DEPDC1: variants seen among roughly 807,000 people sequenced by gnomAD.
DEPDC1 encodes DEP domain-containing protein 1A.
A neutral mutation model predicts 86.8 loss-of-function variants in DEPDC1; 66 were observed. The observed-to-expected ratio is 0.76, with a 90% confidence interval of 0.62 to 0.93. The LOEUF is 0.93. Among genes scored for constraint, DEPDC1 ranks in the 40% least tolerant of loss-of-function variants. DEPDC1 has a pLI of 0.00. For missense variants in DEPDC1, 792 were observed against 935.7 expected, an observed-to-expected ratio of 0.85 and a Z score of 2.00; for synonymous variants, 255 against 314.9, an observed-to-expected ratio of 0.81 and a Z score of 2.02.
At chr1:68,484,937 CATAT>C (rs71581173) in intron 6 of DEPDC1, among the ~76,000 whole-genome samples, 2 of 147,726 alleles carry the variant, frequency 1.4e-5, no homozygotes, top group African/African-American at 2.5e-5. Context: ...CTTCTGGAGG[CATAT>C]ATATATATAT....
intron 2 of DEPDC1, among the ~76,000 whole-genome samples, chr1:68,490,412 G>C (rs925649873): frequency 6.6e-6 from 1 of 151,928 alleles, no homozygotes; most frequent in African/African-American, 2.4e-5. Context: ...CTCCATCTAT[G>C]TTCCTGCAAA....
Position 68,496,952 on chromosome 1 carries a change from C to T in DEPDC1, c.48G>A (p.Leu16=), listed in dbSNP as rs754590065. The T allele has an allele frequency of 6.2e-7, 1 of 1,612,144 alleles. No individual in the cohort carries two copies. Among genetic ancestry groups the T allele is most frequent in the South Asian group, 1.1e-5 (1 of 90,952 alleles). ...VPPGPYRATK[L]WNEVTTSFRA... ...GTCCCGTCTATCCGAGCTGTCTTAC[C>T]AGCTTGGTGGCCCGATAAGGCCCGG... Residue 16 remains leucine (L), a splice_region_variant and synonymous_variant, in exon 1 of 12, where the codon CTG becomes CTA. Transcript: ENST00000456315. The surrounding 1 kb of genome is among the most constrained non-coding windows in gnomAD (Gnocchi z 4.0).
intron 2 of DEPDC1, among the ~76,000 whole-genome samples, chr1:68,491,092 C>T (rs1646226190): frequency 6.6e-6 from 1 of 152,040 alleles, no homozygotes; most frequent in Admixed American, 6.6e-5. Context: ...TGGAAGAAAA[C>T]CTAGGCAATA....
chr1:68,489,170 G>A (rs1479763810), intron 3 of DEPDC1, 136 bp from the exon 4 acceptor site: 126 of 645,534 alleles, frequency 2.0e-4, no homozygotes, highest in Non-Finnish European at 2.9e-5. Flanking sequence ...ATATGGTAAT[G>A]GAGTTTTTAA....
At position 68,482,512 on chromosome 1, in the gene DEPDC1, A is replaced by G; in HGVS notation, c.1296T>C (p.Asn432=). Residue 432 remains asparagine (N), a synonymous_variant, in exon 8 of 12, where the codon AAT becomes AAC. Transcript: ENST00000456315. ...SLEGIVDVPG[N]SSKEASSVFH... The stretch of plus-strand genomic sequence containing the variant: ...AGACACTGGATGCCTCTTTACTTGA[A>G]TTCCCTGGCACATCTACAATTCCTT... 1 of 1,613,150 alleles carries G rather than the reference A, an allele frequency of 6.2e-7. No homozygotes were observed. Among genetic ancestry groups the G allele is most frequent in the South Asian group, 1.1e-5 (1 of 91,072 alleles).
intron 2 of DEPDC1, among the ~76,000 whole-genome samples, chr1:68,491,920 ATT>A (rs1227155636): frequency 5.8e-5 from 8 of 138,902 alleles, no homozygotes; most frequent in Non-Finnish European, 3.1e-5. Flanking sequence ...TGGCTAATTA[ATT>A]TTTTTTTTTT....
At chr1:68,488,528 CT>C (rs769668533) in intron 4 of DEPDC1, 24 bp from the exon 5 acceptor site, 1 of 1,576,320 alleles carries the variant, frequency 6.3e-7, no homozygotes, top group Admixed American at 1.8e-5. Flanking sequence ...AGAATATTAA[CT>C]TTTTTTCTTC....
intron 8 of DEPDC1, 63 bp from the exon 9 acceptor site, chr1:68,481,675 T>G (rs1646156958): frequency 1.6e-6 from 2 of 1,224,306 alleles, no homozygotes; most frequent in Non-Finnish European, 2.2e-6. Flanking sequence ...ATACTACCAG[T>G]ATATACAGCT....
In DEPDC1 at chr1:68,494,640, T is replaced by C; in HGVS notation, c.104A>G (p.Gln35Arg). The C allele has an allele frequency of 1.2e-6, 2 of 1,613,710 alleles. No homozygotes were observed. The highest frequency in any genetic ancestry group is 1.7e-6 in the Non-Finnish European group (2 of 1,179,698). ...RAGMPLRKHR[Q>R]HFKKYGNCFT... The stretch of plus-strand genomic sequence containing the variant: ...ACAATTGCCATATTTTTTAAAGTGT[T>C]GTCTGTGTTTTCTTAGAGGCATTCC... Residue 35 changes from glutamine to arginine, a missense_variant, in exon 2 of 12, where the codon CAA becomes CGA. By Grantham distance (43) the Gln-to-Arg change is conservative. Coordinates refer to ENST00000456315, the MANE Select transcript of DEPDC1 (RefSeq NM_001114120.3).
chr1:68,487,359 C>T (rs1450564569), intron 5 of DEPDC1, among the ~76,000 whole-genome samples: 2 of 151,896 alleles, frequency 1.3e-5, no homozygotes, highest in Non-Finnish European at 2.9e-5. Flanking sequence ...TATTGCTATG[C>T]TATTTGAATA....
At chr1:68,480,443 CTT>C (rs901729838) in intron 9 of DEPDC1, among the ~76,000 whole-genome samples, 1 of 152,002 alleles carries the variant, frequency 6.6e-6, no homozygotes, top group African/African-American at 2.4e-5. Flanking sequence ...GCCTTTTGCT[CTT>C]TCTTCACACT....
chr1:68,479,821 A>AT (rs1286830641), intron 9 of DEPDC1, among the ~76,000 whole-genome samples: 1 of 151,902 alleles, frequency 6.6e-6, no homozygotes, highest in Non-Finnish European at 1.5e-5. Context: ...AAAAAAAAAA[A>AT]AGTATATCCT....
At position 68,489,006 on chromosome 1, in the gene DEPDC1, A is replaced by G. The variant is rs751712482; in HGVS notation, c.500T>C (p.Ile167Thr). 3.7e-6 allele frequency: 6 copies of G among 1,605,892 alleles called. No individual in the cohort carries two copies. The highest frequency in any genetic ancestry group is 4.3e-6 in the Non-Finnish European group (5 of 1,174,982). Residue 167 changes from isoleucine (I) to threonine (T), a missense_variant, in exon 4 of 12, where the codon ATA becomes ACA. By Grantham distance (89) the Ile-to-Thr change is moderately conservative. Transcript: ENST00000456315. ...TGCATTTTCTTGATCTTCATTGATT[A>G]TTTCATGCTTTATTTTCTCGCCATT... ...QENGEKIKHE[I>T]INEDQENAID...
At chr1:68,486,371 G>C (rs893490410) in intron 6 of DEPDC1, among the ~76,000 whole-genome samples, 2 of 151,994 alleles carry the variant, frequency 1.3e-5, no homozygotes, top group African/African-American at 4.8e-5. Context: ...ATGACTGTAA[G>C]TTGTAAGTTT....
Position 68,494,537 on chromosome 1 carries a change from C to A in DEPDC1, c.207G>T (p.Arg69Ser). Residue 69 changes from arginine to serine, a missense_variant, in exon 2 of 12, where the codon AGG becomes AGT. Transcript: ENST00000456315. ...TCCTCAACAGTTGGATAGTCTGTTG[C>A]CTTGTAACTTCAGGACCAAAATTGC... ...NNSNFGPEVT[R>S]QQTIQLLRKF... 1 of 1,613,678 alleles carries A rather than the reference C, an allele frequency of 6.2e-7. No individual in the cohort carries two copies. The highest frequency in any genetic ancestry group is 8.5e-7 in the Non-Finnish European group (1 of 1,179,734).
rs1207935339 is a variant in DEPDC1 at position 68,482,176 on chromosome 1, A to G, written c.1632T>C (p.Ser544=). ...MKPNVGQGST[S]VQTAMESELG... ...GTTCACTTTCCATAGCTGTTTGCAC[A>G]CTTGTGCTGCCTTGTCCAACATTTG... The change falls in exon 8 of 12, where the codon AGT becomes AGC. Residue 544 remains serine, a synonymous_variant. Transcript: ENST00000456315. 6.8e-6 allele frequency: 11 copies of G among 1,612,970 alleles called. No homozygotes were observed. The highest frequency in any genetic ancestry group is 9.3e-6 in the Non-Finnish European group (11 of 1,179,228).
intron 5 of DEPDC1, among the ~76,000 whole-genome samples, 172 bp from the exon 6 acceptor site, chr1:68,487,156 C>T (rs1215201500): frequency 6.6e-6 from 1 of 151,768 alleles, no homozygotes; most frequent in Non-Finnish European, 1.5e-5. Context: ...TTTAATAAGA[C>T]ACAGGATCAA....
Sources: gnomAD v4.1 joint callset for allele counts (sites outside exome capture counted in the v4.1 genomes callset) on GRCh38, gnomAD v4.1.1 for gene constraint, Gnocchi (gnomAD v3.1) non-coding constraint, MANE v1.5 for transcripts, NCBI Gene and HGNC (gene_info 2026-07-23, HGNC 2026-07-21) for gene names.